TAF1: variants seen among roughly 807,000 people sequenced by gnomAD.
TAF1 encodes TATA-box binding protein associated factor 1.
A neutral mutation model predicts 138.5 loss-of-function variants in TAF1; 2 were observed. The observed-to-expected ratio is 0.01, with a 90% CI of 0.01 to 0.05. The LOEUF (loss-of-function observed/expected upper bound fraction) is 0.05, where lower values mean the gene tolerates loss of function less well. TAF1 is among the 10% of genes least tolerant of loss of function. The pLI is 1.00. For missense variants in TAF1, 709 were observed against 1,478.0 expected (o/e 0.48, Z 8.53); for synonymous variants, 437 against 503.2 (o/e 0.87, Z 1.76).
At chrX:71,431,917 A>C in intron 32 of TAF1, among the ~76,000 whole-genome samples, 1 of 107,925 alleles carries the variant, frequency 9.3e-6, no homozygotes, top group African/African-American at 3.4e-5. Context: ...TCCGTCTCAA[A>C]AAAAAAAAAA....
intron 24 of TAF1, among the ~76,000 whole-genome samples, chrX:71,400,022 A>G (rs1040520622): frequency 9.1e-6 from 1 of 110,249 alleles, no homozygotes; most frequent in Non-Finnish European, 1.9e-5. Flanking sequence ...ATGAGCCACC[A>G]TGCCTGGCCT....
At chrX:71,524,724 C>T (rs1039222350) in intron 13 of TAF1, among the ~76,000 whole-genome samples, 3 of 109,064 alleles carry the variant, frequency 2.8e-5, no homozygotes, top group Admixed American at 9.9e-5. Flanking sequence ...GGGCGGATCA[C>T]GAGGTCAGGA....
chrX:71,453,259 TATC>T (rs1479518593), intron 32 of TAF1, among the ~76,000 whole-genome samples: 2 of 111,059 alleles, frequency 1.8e-5, no homozygotes, highest in African/African-American at 3.3e-5. Context: ...CCTCCCCAGT[TATC>T]AACATCTTGC....
intron 13 of TAF1, chrX:71,528,312 A>C (rs1339244699): frequency 3.6e-6 from 1 of 276,964 alleles, no homozygotes; most frequent in Non-Finnish European, 6.8e-6. Flanking sequence ...GCTTGTCACA[A>C]CCATAGTGTC....
At chrX:71,383,917 A>C (rs1233956876) in intron 12 of TAF1, 45 bp from the exon 13 acceptor site, 2 of 1,168,122 alleles carry the variant, frequency 1.7e-6, no homozygotes, top group Non-Finnish European at 2.3e-6. Flanking sequence ...TGTGTGTAGT[A>C]GTGTCCTGTC....
At chrX:71,478,453 C>G (rs2039017187) in intron 13 of TAF1, among the ~76,000 whole-genome samples, 1 of 110,174 alleles carries the variant, frequency 9.1e-6, no homozygotes, top group African/African-American at 3.3e-5. Context: ...CCCAGGAGTT[C>G]GAGGCTGCAG....
At chrX:71,402,175 G>A (rs2035210704) in intron 25 of TAF1, among the ~76,000 whole-genome samples, 1 of 112,035 alleles carries the variant, frequency 8.9e-6, no homozygotes, top group Non-Finnish European at 1.9e-5. Flanking sequence ...CTGGAGTGCA[G>A]TGGCTCACTG....
intron 13 of TAF1, among the ~76,000 whole-genome samples, chrX:71,514,081 C>T (rs1037804436): frequency 8.9e-6 from 1 of 111,740 alleles, no homozygotes; most frequent in Non-Finnish European, 1.9e-5. Context: ...GCTGCTCACT[C>T]TTTAGGTCCG....
chrX:71,394,960 G>A (rs1358747760), intron 22 of TAF1, among the ~76,000 whole-genome samples: 1 of 112,640 alleles, frequency 8.9e-6, no homozygotes, highest in Admixed American at 9.4e-5. Flanking sequence ...GCCTCCCAAA[G>A]TGTTGGCATT....
chrX:71,506,811 C>T (rs939317234), intron 13 of TAF1, among the ~76,000 whole-genome samples: 1 of 112,040 alleles, frequency 8.9e-6, no homozygotes, highest in East Asian at 2.8e-4. Context: ...ATGTCCATAG[C>T]AGCACTATTC....
intron 13 of TAF1, among the ~76,000 whole-genome samples, chrX:71,516,097 C>T (rs2039818943): frequency 1.8e-5 from 2 of 109,541 alleles, no homozygotes; most frequent in Middle Eastern, 4.6e-3. Context: ...AGTCTCACTC[C>T]GTCATCCAGG....
chrX:71,424,832 C>T (rs1420091935), intron 32 of TAF1, among the ~76,000 whole-genome samples: 1 of 111,144 alleles, frequency 9.0e-6, no homozygotes, highest in Non-Finnish European at 1.9e-5. Context: ...ACTATGTTGG[C>T]CAGGCTGGTC....
Position 71,439,517 on chromosome X carries a change from T to G in TAF1, c.4754-14653T>G, listed in dbSNP as rs191967853. Among the ~76,000 whole-genome samples the G allele has an allele frequency of 5.4e-3, 601 of 111,538 alleles. 4 individuals carry two copies. The highest frequency in any genetic ancestry group is 0.019 in the African/African-American group (577 of 30,738). On this transcript the variant is annotated intron_variant, in intron 32 of 37. Coordinates refer to ENST00000423759, the MANE Select transcript of TAF1 (RefSeq NM_004606.5). Reference sequence around the variant, plus strand: ...ATCTAGAAATACATAAAATTAAAAGTTAAAGCCTCTGCCTGCCCTCCCACT... The same window carrying G: ...ATCTAGAAATACATAAAATTAAAAGGTAAAGCCTCTGCCTGCCCTCCCACT...
chrX:71,379,828 C>T (rs2033760715), intron 8 of TAF1, among the ~76,000 whole-genome samples: 1 of 110,448 alleles, frequency 9.1e-6, no homozygotes, highest in Non-Finnish European at 1.9e-5. Flanking sequence ...TCTCGAACTC[C>T]CGACCTTAGG....
At chrX:71,422,956 AT>A (rs1410610936) in intron 29 of TAF1, among the ~76,000 whole-genome samples, 160 bp from the exon 30 acceptor site, 6 of 109,448 alleles carry the variant, frequency 5.5e-5, no homozygotes, top group Middle Eastern at 4.9e-3. Flanking sequence ...GTTAGCCAGG[AT>A]GGTCTTGATC....
rs2033627444 is a variant in TAF1 at position 71,378,255 on chromosome X, G to A, written c.954G>A (p.Val318=). The change falls in exon 7 of 38, where the codon GTG becomes GTA. Residue 318 remains valine, a synonymous_variant. Coordinates refer to ENST00000423759, the MANE Select transcript of TAF1 (RefSeq NM_004606.5). ...SDDEITMMAP[V]ESKFSQSTGD... ...TACAGATCACGATGATGGCTCCTGT[G>A]GAGTCCAAATTTTCCCAATCAACTG... 8.3e-7 allele frequency: 1 copy of A among 1,211,431 alleles called. No homozygotes were observed. Among genetic ancestry groups the A allele is most frequent in the South Asian group, 1.8e-5 (1 of 56,984 alleles).
At chrX:71,510,980 G>A (rs2039720727) in intron 13 of TAF1, among the ~76,000 whole-genome samples, 1 of 111,339 alleles carries the variant, frequency 9.0e-6, no homozygotes, top group Admixed American at 9.6e-5. Flanking sequence ...GCGCATGCCT[G>A]TAATCCCAGC....
chrX:71,424,112 T>C, intron 31 of TAF1, 42 bp from the exon 32 acceptor site: 1 of 1,084,962 alleles, frequency 9.2e-7, no homozygotes, highest in Non-Finnish European at 1.3e-6. Flanking sequence ...ATCAAGTGAC[T>C]GTGTGTGTGT....
intron 28 of TAF1, among the ~76,000 whole-genome samples, chrX:71,412,970 C>T (rs958803169): frequency 9.0e-6 from 1 of 111,626 alleles, no homozygotes; most frequent in African/African-American, 3.3e-5. Flanking sequence ...ATATAAAGAT[C>T]GAGCATCCCA....
Sources: allele counts gnomAD v4.1 joint callset (sites outside exome capture counted in the v4.1 genomes callset), GRCh38; gene constraint gnomAD v4.1.1; transcripts MANE v1.5; gene names NCBI Gene and HGNC (gene_info 2026-07-23, HGNC 2026-07-21).